RANBP2: variants seen among roughly 807,000 people sequenced by gnomAD.
RANBP2 encodes E3 SUMO-protein ligase RanBP2.
RANBP2 carries 57 observed loss-of-function variants against 303.6 expected under a neutral mutation model. The ratio of observed to expected loss-of-function variants is 0.19; its 90% CI spans 0.15 to 0.23. The LOEUF is 0.23. RANBP2 is among the 10% of genes least tolerant of loss of function. RANBP2 has a pLI of 1.00. For missense variants in RANBP2, 3,138 were observed against 3,780.8 expected (o/e 0.83, Z 4.46); for synonymous variants, 1,167 against 1,301.5 (o/e 0.90, Z 2.23).
the RANBP2 span, among the ~76,000 whole-genome samples, chr2:109,134,072 T>C: frequency 4.6e-5 from 7 of 152,338 alleles, no homozygotes; most frequent in South Asian, 1.4e-3. Flanking sequence ...TACCCGAGAT[T>C]TTCTGTTGAA....
chr2:109,018,906 C>G, the RANBP2 span, among the ~76,000 whole-genome samples: 3 of 152,220 alleles, frequency 2.0e-5, no homozygotes, highest in Non-Finnish European at 4.4e-5. Flanking sequence ...CACCACTGAT[C>G]GTGTCCCTAG....
At chr2:109,204,127 G>T in the RANBP2 span, among the ~76,000 whole-genome samples, 3 of 152,248 alleles carry the variant, frequency 2.0e-5, no homozygotes, top group Non-Finnish European at 4.4e-5. Flanking sequence ...AGGGTAAGGA[G>T]AATCCAGTGA....
At chr2:109,160,083 G>A in the RANBP2 span, among the ~76,000 whole-genome samples, 1 of 152,336 alleles carries the variant, frequency 6.6e-6, no homozygotes, top group South Asian at 2.1e-4. Flanking sequence ...AAAGGTTGGA[G>A]ACTGCTGATT....
the RANBP2 span, among the ~76,000 whole-genome samples, chr2:109,712,607 AT>A: frequency 6.6e-6 from 1 of 151,796 alleles, no homozygotes; most frequent in South Asian, 2.1e-4. Context: ...AATTTTTTGT[AT>A]TTTTAGTAGA....
At chr2:108,930,006 G>T in the RANBP2 span, 2 of 1,342,966 alleles carry the variant, frequency 1.5e-6, no homozygotes, top group Non-Finnish European at 2.0e-6. Context: ...TGACCGGCTG[G>T]TTTGATATAC....
chr2:109,537,826 G>A, the RANBP2 span, among the ~76,000 whole-genome samples: 1 of 148,136 alleles, frequency 6.8e-6, no homozygotes, highest in Non-Finnish European at 1.5e-5. Flanking sequence ...TCTCCACCTG[G>A]GACTCCAGCT....
chr2:109,679,126 G>A, the RANBP2 span, among the ~76,000 whole-genome samples: 7 of 152,294 alleles, frequency 4.6e-5, no homozygotes, highest in East Asian at 9.6e-4. Context: ...TCAGCACTCT[G>A]CCTGGGGACC....
the RANBP2 span, among the ~76,000 whole-genome samples, chr2:109,492,196 C>T: frequency 2.0e-5 from 3 of 152,284 alleles, no homozygotes; most frequent in Admixed American, 6.5e-5. Flanking sequence ...GTACAATTTT[C>T]GTAGGTCATG....
At chr2:108,853,872 CTATATAATATATTATATAGTA>C in the RANBP2 span, among the ~76,000 whole-genome samples, 2 of 113,686 alleles carry the variant, frequency 1.8e-5, no homozygotes, top group African/African-American at 6.9e-5. Flanking sequence ...AATATATATA[CTATATAATATATTATATAGTA>C]TATATATTAT....
chr2:109,061,643 T>G, the RANBP2 span, among the ~76,000 whole-genome samples: 1 of 152,182 alleles, frequency 6.6e-6, no homozygotes, highest in Admixed American at 6.5e-5. Flanking sequence ...CAATAATAAG[T>G]GCAATAATAG....
the RANBP2 span, among the ~76,000 whole-genome samples, chr2:108,991,634 G>A: frequency 6.6e-6 from 1 of 152,192 alleles, no homozygotes; most frequent in Non-Finnish European, 1.5e-5. Context: ...CAGGCAGGCT[G>A]GCCCCAGCTC....
chr2:108,846,600 C>T, the RANBP2 span: 1 of 652,702 alleles, frequency 1.5e-6, no homozygotes, highest in Non-Finnish European at 2.6e-6. Flanking sequence ...TTGCTTGAGC[C>T]CAGGAGTTTG....
chr2:109,300,883 T>C, the RANBP2 span, among the ~76,000 whole-genome samples: 8 of 152,268 alleles, frequency 5.3e-5, no homozygotes, highest in South Asian at 1.2e-3. Flanking sequence ...CAGAGTGCCC[T>C]CTCTGCTGCT....
At chr2:109,378,003 C>T in the RANBP2 span, among the ~76,000 whole-genome samples, 1 of 152,254 alleles carries the variant, frequency 6.6e-6, no homozygotes, top group African/African-American at 2.4e-5. Flanking sequence ...TAGTGAGCAG[C>T]TCCGCCGTGT....
the RANBP2 span, among the ~76,000 whole-genome samples, chr2:109,194,206 C>T: frequency 6.6e-6 from 1 of 152,214 alleles, no homozygotes; most frequent in African/African-American, 2.4e-5. Context: ...CAGGCACTGC[C>T]CGTGCAGACC....
chr2:108,723,180 G>GTTT (rs1282246966), intron 1 of RANBP2, among the ~76,000 whole-genome samples: 1 of 151,742 alleles, frequency 6.6e-6, no homozygotes, highest in African/African-American at 2.4e-5. Flanking sequence ...GCTGTTAGTT[G>GTTT]TTTTTTCTGC....
chr2:108,878,085 TTAAAGA>T, the RANBP2 span, among the ~76,000 whole-genome samples: 4 of 152,240 alleles, frequency 2.6e-5, no homozygotes, highest in East Asian at 7.7e-4. Flanking sequence ...AAGAAATGAC[TTAAAGA>T]TTAATCAACT....
At chr2:108,923,517 G>T in the RANBP2 span, 2 of 1,503,050 alleles carry the variant, frequency 1.3e-6, no homozygotes, top group East Asian at 4.5e-5. Flanking sequence ...GCAGGGACTG[G>T]TGCAGAGAGC....
chr2:109,185,044 G>C, the RANBP2 span, among the ~76,000 whole-genome samples: 1 of 152,172 alleles, frequency 6.6e-6, no homozygotes, highest in Non-Finnish European at 1.5e-5. Flanking sequence ...CTTATTATCT[G>C]TTTGTGTATT....
Sources: allele counts gnomAD v4.1 joint callset (sites outside exome capture counted in the v4.1 genomes callset), GRCh38; gene constraint gnomAD v4.1.1; transcripts MANE v1.5; gene names NCBI Gene and HGNC (gene_info 2026-07-23, HGNC 2026-07-21).